CR1: variants seen among roughly 807,000 people sequenced by gnomAD.
CR1 encodes complement C3b/C4b receptor 1 (Knops blood group), also known as complement receptor type 1.
In CR1, 116 loss-of-function variants were observed where a neutral mutation model predicts 187.3. The ratio of observed to expected loss-of-function variants is 0.62; its 90% CI spans 0.53 to 0.72. The LOEUF (loss-of-function observed/expected upper bound fraction) is 0.72. Among genes scored for constraint, CR1 ranks in the 30% least tolerant of loss-of-function variants. The pLI, the probability that CR1 is intolerant of heterozygous loss-of-function variation, is 0.00. For missense variants in CR1, 1,731 were observed against 2,110.7 expected (o/e 0.82, Z 3.52); for synonymous variants, 576 against 747.1 (o/e 0.77, Z 3.73).
At chr1:207,604,560 GT>G (rs1661692705) in intron 35 of CR1, among the ~76,000 whole-genome samples, 2 of 152,180 alleles carry the variant, frequency 1.3e-5, no homozygotes, top group African/African-American at 4.8e-5. Flanking sequence ...GAATAATTCA[GT>G]TTTCCGTGTC....
At chr1:207,497,980 T>C (rs1659143182) in intron 1 of CR1, among the ~76,000 whole-genome samples, 3 of 152,214 alleles carry the variant, frequency 2.0e-5, no homozygotes, top group Admixed American at 2.0e-4. Flanking sequence ...TGTATGCATA[T>C]AGAAGTAGGT....
intron 1 of CR1, among the ~76,000 whole-genome samples, chr1:207,496,613 G>C (rs982694695): frequency 2.0e-5 from 3 of 152,238 alleles, no homozygotes; most frequent in African/African-American, 7.2e-5. Context: ...CCCAGGTGCA[G>C]GGGCTTAAGT....
At chr1:207,598,663 C>T (rs1661519039) in intron 35 of CR1, among the ~76,000 whole-genome samples, 1 of 152,194 alleles carries the variant, frequency 6.6e-6, no homozygotes, top group African/African-American at 2.4e-5. Flanking sequence ...CGTGATCTGC[C>T]TGCCTCGGCC....
At chr1:207,501,936 A>C (rs1659283348) in intron 1 of CR1, among the ~76,000 whole-genome samples, 1 of 151,642 alleles carries the variant, frequency 6.6e-6, no homozygotes, top group South Asian at 2.1e-4. Flanking sequence ...TTTTTACAGT[A>C]TCCTCAAAGT....
At chr1:207,613,062 G>A (rs769607310) in intron 39 of CR1, among the ~76,000 whole-genome samples, 18 of 152,216 alleles carry the variant, frequency 1.2e-4, no homozygotes, top group Non-Finnish European at 2.2e-4. Context: ...AGCAGAGGGC[G>A]GAGGGCCACA....
chr1:207,573,930 A>C (rs1660654566), intron 27 of CR1, among the ~76,000 whole-genome samples: 1 of 152,164 alleles, frequency 6.6e-6, no homozygotes. Flanking sequence ...CCAGGAGCTC[A>C]AGACCAGCCT....
intron 45 of CR1, among the ~76,000 whole-genome samples, chr1:207,628,685 C>T (rs1461978687): frequency 6.6e-6 from 1 of 152,218 alleles, no homozygotes; most frequent in African/African-American, 2.4e-5. Flanking sequence ...CTGAATCTGA[C>T]TCTATATTAC....
intron 45 of CR1, among the ~76,000 whole-genome samples, chr1:207,627,305 C>T (rs1662512921): frequency 1.3e-5 from 2 of 152,132 alleles, no homozygotes; most frequent in Admixed American, 1.3e-4. Context: ...CTCTCTCTCC[C>T]TCCATGAAGT....
At chr1:207,576,309 G>A (rs1660741690) in intron 28 of CR1, among the ~76,000 whole-genome samples, 1 of 152,174 alleles carries the variant, frequency 6.6e-6, no homozygotes, top group Non-Finnish European at 1.5e-5. Context: ...TAAACTGGCT[G>A]GGCACTGCCC....
intron 35 of CR1, among the ~76,000 whole-genome samples, chr1:207,602,003 G>A (rs535862393): frequency 1.3e-5 from 2 of 152,088 alleles, no homozygotes; most frequent in African/African-American, 2.4e-5. Flanking sequence ...AAACATTGCA[G>A]TGCTTTTTGT....
chr1:207,603,812 A>C (rs1661674253), intron 35 of CR1, among the ~76,000 whole-genome samples: 1 of 152,184 alleles, frequency 6.6e-6, no homozygotes, highest in Non-Finnish European at 1.5e-5. Context: ...TCGCATTTCA[A>C]CTGTTAGCAA....
chr1:207,600,973 C>T, intron 35 of CR1: 1 of 152,124 alleles, frequency 6.6e-6, no homozygotes, highest in South Asian at 2.1e-4. Flanking sequence ...ATTTTTCAAT[C>T]CTTTTTGTTA....
At chr1:207,615,313 A>G (rs983087881) in intron 40 of CR1, among the ~76,000 whole-genome samples, 11 of 152,204 alleles carry the variant, frequency 7.2e-5, no homozygotes, top group Admixed American at 3.3e-4. Context: ...ACTATGAACA[A>G]GGAAATAAAT....
At chr1:207,611,570 T>C in intron 37 of CR1, 107 bp from the exon 38 acceptor site, 1 of 1,493,938 alleles carries the variant, frequency 6.7e-7, no homozygotes, top group Non-Finnish European at 9.0e-7. Flanking sequence ...TCTCTTTTAA[T>C]AGCTGCACTC....
intron 46 of CR1, among the ~76,000 whole-genome samples, chr1:207,637,195 A>G (rs1273503613): frequency 1.3e-5 from 2 of 151,718 alleles, no homozygotes; most frequent in African/African-American, 4.9e-5. Context: ...AAGGGTAGAA[A>G]GACTGTAATT....
chr1:207,603,142 C>G (rs1485287724), intron 35 of CR1, among the ~76,000 whole-genome samples: 4 of 151,812 alleles, frequency 2.6e-5, no homozygotes, highest in Non-Finnish European at 5.9e-5. Context: ...TGTCATGAGA[C>G]CCACCAACAG....
intron 35 of CR1, among the ~76,000 whole-genome samples, chr1:207,589,667 C>A (rs998054832): frequency 1.3e-5 from 2 of 152,122 alleles, no homozygotes; most frequent in African/African-American, 4.8e-5. Context: ...ACAAACTCCT[C>A]TGAGCTAAAG....
chr1:207,598,499 A>C (rs1661512548), intron 35 of CR1, among the ~76,000 whole-genome samples: 1 of 151,492 alleles, frequency 6.6e-6, no homozygotes. Flanking sequence ...GGTTCACTGC[A>C]ACCTCCGCCT....
intron 45 of CR1, among the ~76,000 whole-genome samples, chr1:207,623,563 T>C (rs1428279605): frequency 1.3e-5 from 2 of 149,666 alleles, no homozygotes; most frequent in African/African-American, 4.9e-5. Flanking sequence ...CCAGCCTGGG[T>C]GACAGAGTGA....
Sources: gnomAD v4.1 joint callset for allele counts (sites outside exome capture counted in the v4.1 genomes callset) on GRCh38, gnomAD v4.1.1 for gene constraint, MANE v1.5 for transcripts, NCBI Gene and HGNC (gene_info 2026-07-23, HGNC 2026-07-21) for gene names.